Variants in SMUG1 observed in about 807,000 individuals in gnomAD.
The protein encoded by SMUG1 is single-strand-selective monofunctional uracil-DNA glycosylase 1.
A neutral mutation model predicts 23.9 loss-of-function variants in SMUG1; 13 were observed. The observed-to-expected ratio is 0.54, with a 90% CI of 0.35 to 0.86. The LOEUF is 0.86. Among genes scored for constraint, SMUG1 ranks in the 40% least tolerant of loss-of-function variants. The probability of loss-of-function intolerance (pLI) is 0.01; values close to 1 mark genes in which losing one functional copy is unlikely to be tolerated. For missense variants in SMUG1, 313 were observed against 339.5 expected (o/e 0.92, Z 0.61); for synonymous variants, 133 against 139.8 (o/e 0.95, Z 0.34).
At chr12:54,158,558 C>T (rs1484537184) in intron 4 of SMUG1, among the ~76,000 whole-genome samples, 1 of 152,114 alleles carries the variant, frequency 6.6e-6, no homozygotes, top group African/African-American at 2.4e-5. Context: ...TGCCCCCTAA[C>T]ACCTCAGTGC....
At position 54,183,897 on chromosome 12, in the gene SMUG1, C is replaced by A. The variant is rs2233920; in HGVS notation, c.44G>T (p.Gly15Val). 3.0e-3 allele frequency: 4,815 copies of A among 1,604,580 alleles called. 164 individuals carry two copies. The African/African-American group carries it at 0.057, about 19-fold the overall frequency. The change falls in exon 3 of 4, where the codon GGT becomes GTT. Residue 15 changes from glycine to valine, a missense_variant. Physicochemically the swap from Gly to Val is moderately radical, Grantham distance 109 (BLOSUM62 -3). Transcript: ENST00000682136. The part of the protein sequence containing the change: ...FLLGSIHEPA[G>V]ALMEPQPCPG... Reference sequence around the variant, plus strand: ...GCAGGGCTGGGGCTCCATGAGGGCACCTGCAGGCTCATGGATGGACCCCAG... The same window carrying A: ...GCAGGGCTGGGGCTCCATGAGGGCAACTGCAGGCTCATGGATGGACCCCAG...
chr12:54,179,796 C>T (rs557229392), downstream of SMUG1, among the ~76,000 whole-genome samples: 1 of 152,230 alleles, frequency 6.6e-6, no homozygotes, highest in South Asian at 2.1e-4. Flanking sequence ...GAATGACTCA[C>T]GGAACTCAGG....
downstream of SMUG1, among the ~76,000 whole-genome samples, chr12:54,163,509 A>T (rs1940339064): frequency 6.6e-6 from 1 of 152,208 alleles, no homozygotes. Flanking sequence ...AAGTCTTGAG[A>T]CTAGGTTGAA....
chr12:54,160,359 G>C (rs1038903469), downstream of SMUG1, among the ~76,000 whole-genome samples: 7 of 152,230 alleles, frequency 4.6e-5, no homozygotes, highest in Non-Finnish European at 1.0e-4. Context: ...TGGCTGGGCC[G>C]TGCCAGAGTT....
chr12:54,184,110 A>AGATG, intron 2 of SMUG1, 151 bp from the exon 3 acceptor site: 1 of 564,964 alleles, frequency 1.8e-6, no homozygotes, highest in Non-Finnish European at 3.0e-6. Flanking sequence ...AGTAGGACTG[A>AGATG]ACTCATCTCA....
downstream of SMUG1, among the ~76,000 whole-genome samples, chr12:54,179,968 T>C (rs937184180): frequency 6.6e-6 from 1 of 152,224 alleles, no homozygotes; most frequent in Non-Finnish European, 1.5e-5. Context: ...AGCACATCCA[T>C]GTGTTCACCA....
chr12:54,169,752 A>G (rs1940566807), intron 3 of SMUG1, among the ~76,000 whole-genome samples: 1 of 152,236 alleles, frequency 6.6e-6, no homozygotes, highest in Admixed American at 6.5e-5. Context: ...GCTATTCTGC[A>G]TGCTGTGAGT....
chr12:54,185,170 T>C (rs974859866), intron 2 of SMUG1, among the ~76,000 whole-genome samples: 2 of 152,080 alleles, frequency 1.3e-5, no homozygotes, highest in African/African-American at 4.8e-5. Flanking sequence ...TAGTCAGGCA[T>C]GGTGGTACGT....
rs1565842024 is a variant in SMUG1, at chr12:54,187,859, C to CA, written c.-61dup. On this transcript the variant is annotated 5_prime_UTR_variant, in exon 2 of 4. Coordinates refer to ENST00000682136, the MANE Select transcript of SMUG1 (RefSeq NM_001243787.2). The stretch of plus-strand genomic sequence containing the variant: ...GCAGTCTCTTGATGAGGAAGAAATC[C>CA]AAAAAGAGTAAAATGTAGGCCAGGC... The CA allele has an allele frequency of 6.6e-6, 1 of 151,886 alleles. No homozygotes were observed. The highest frequency in any genetic ancestry group is 2.4e-5 in the African/African-American group (1 of 41,304). The allele number at this position is 151,886 out of a possible 1,614,324, so 9.4% of individuals were successfully genotyped here. A position where few individuals can be genotyped will look rare whatever the true frequency, so the allele number is the denominator to read the frequency against.
intron 3 of SMUG1, among the ~76,000 whole-genome samples, chr12:54,170,833 G>C (rs1487300249): frequency 6.6e-6 from 1 of 152,160 alleles, no homozygotes; most frequent in African/African-American, 2.4e-5. Context: ...CTGGGCTCAA[G>C]TGATCCTTCC....
intron 1 of SMUG1, among the ~76,000 whole-genome samples, chr12:54,188,205 CA>C (rs1942904260): frequency 6.6e-6 from 1 of 151,110 alleles, no homozygotes; most frequent in African/African-American, 2.4e-5. Context: ...ATCACATATG[CA>C]CTCCCCTGTC....
downstream of SMUG1, among the ~76,000 whole-genome samples, chr12:54,179,566 TG>T (rs1254385797): frequency 3.9e-5 from 6 of 152,116 alleles, no homozygotes; most frequent in Admixed American, 3.9e-4. Flanking sequence ...CTATGGCATG[TG>T]GAAGTTCAAT....
chr12:54,165,855 T>C (rs1210759869), intron 3 of SMUG1, among the ~76,000 whole-genome samples: 1 of 152,000 alleles, frequency 6.6e-6, no homozygotes, highest in Non-Finnish European at 1.5e-5. Context: ...TGAAACCAGG[T>C]AGTAGCTTAA....
chr12:54,169,761 G>A (rs1018086492), intron 3 of SMUG1, among the ~76,000 whole-genome samples: 2 of 152,116 alleles, frequency 1.3e-5, no homozygotes, highest in Non-Finnish European at 2.9e-5. Flanking sequence ...CATGCTGTGA[G>A]TAAAATCAGG....
chr12:54,176,727 AACC>A (rs1940768634), downstream of SMUG1, among the ~76,000 whole-genome samples: 2 of 151,844 alleles, frequency 1.3e-5, no homozygotes, highest in African/African-American at 4.8e-5. Flanking sequence ...GAATGGCGTG[AACC>A]CGGGAAGCGG....
At chr12:54,185,095 G>C (rs1942027956) in intron 2 of SMUG1, among the ~76,000 whole-genome samples, 1 of 151,990 alleles carries the variant, frequency 6.6e-6, no homozygotes, top group Admixed American at 6.6e-5. Context: ...GATCACCTGA[G>C]GTCGGGAGTT....
chr12:54,165,998 T>G (rs1940448579), intron 3 of SMUG1, among the ~76,000 whole-genome samples: 1 of 152,230 alleles, frequency 6.6e-6, no homozygotes, highest in African/African-American at 2.4e-5. Context: ...TGAAATGTCC[T>G]GGTCACATTT....
In SMUG1 at chr12:54,183,805, G is replaced by A. The variant is rs1941699546; in HGVS notation, c.136C>T (p.Gln46Ter). The change falls in exon 3 of 4, where the codon CAG (glutamine) becomes TAG (stop). Residue 46 changes from glutamine to a stop codon, truncating the protein, a stop_gained. Coordinates refer to ENST00000682136, the MANE Select transcript of SMUG1 (RefSeq NM_001243787.2). LOFTEE classifies it high-confidence loss of function. ...LRLNAELSQLQFSEPVGIIYN... is the reference protein window; with the variant it reads ...LRLNAELSQL ...ATGATGCCCACAGGCTCCGAAAACT[G>A]CAGCTGGCTCAGCTCAGCATTGAGC... The A allele has an allele frequency of 2.5e-6, 4 of 1,614,098 alleles. No individual in the cohort carries two copies. Among genetic ancestry groups the A allele is most frequent in the Non-Finnish European group, 3.4e-6 (4 of 1,180,008 alleles).
chr12:54,182,257 C>G lies in SMUG1; in HGVS notation c.652G>C (p.Glu218Gln), dbSNP rs370116066. Residue 218 changes from glutamate (E) to glutamine (Q), a missense_variant, in exon 4 of 4, where the codon GAG (glutamate) becomes CAG (glutamine). Glu to Gln is a conservative substitution (Grantham distance 29). Coordinates refer to ENST00000682136, the MANE Select transcript of SMUG1 (RefSeq NM_001243787.2). ...RLVVGVGRLA[E>Q]QRARRALAGL... ...GCCAGAGCCCGTCGTGCCCGCTGCTCTGCCAGTCGCCCAACTCCCACCACC... is the reference window on the plus strand; with the variant it reads ...GCCAGAGCCCGTCGTGCCCGCTGCTGTGCCAGTCGCCCAACTCCCACCACC... 11 of 1,612,086 alleles carry G rather than the reference C, an allele frequency of 6.8e-6. No homozygotes were observed. The highest frequency in any genetic ancestry group is 9.3e-6 in the Non-Finnish European group (11 of 1,178,742).
Sources: allele counts gnomAD v4.1 joint callset (sites outside exome capture counted in the v4.1 genomes callset), GRCh38; gene constraint gnomAD v4.1.1; transcripts MANE v1.5; gene names NCBI Gene and HGNC (gene_info 2026-07-23, HGNC 2026-07-21).